AGBL1: variants seen among roughly 807,000 people sequenced by gnomAD.
The protein encoded by AGBL1 is AGBL carboxypeptidase 1.
In AGBL1, 130 loss-of-function variants were observed where a neutral mutation model predicts 118.9. The observed-to-expected ratio is 1.09, with a 90% CI of 0.95 to 1.26. The LOEUF (loss-of-function observed/expected upper bound fraction) is 1.26, where lower values mean the gene tolerates loss of function less well. Among genes scored for constraint, AGBL1 ranks in the 50% most tolerant of loss-of-function variants. The pLI, the probability that AGBL1 is intolerant of heterozygous loss-of-function variation, is 0.00. For synonymous variants in AGBL1, 555 were observed against 478.9 expected (o/e 1.16, Z -2.08); for missense variants, 1,584 against 1,298.1 (o/e 1.22, Z -3.38).
intron 22 of AGBL1, among the ~76,000 whole-genome samples, chr15:86,898,862 A>C (rs1044690788): frequency 3.9e-5 from 6 of 152,228 alleles, no homozygotes; most frequent in African/African-American, 1.4e-4. Flanking sequence ...ACCAGACAGA[A>C]TGGGTATCAT....
At chr15:86,435,569 T>C (rs16977136) in intron 18 of AGBL1, among the ~76,000 whole-genome samples, 6,444 of 152,236 alleles carry the variant, frequency 0.042, 188 homozygotes, top group South Asian at 0.1. Flanking sequence ...AGATTTAAGG[T>C]TCTGTGTCAT....
At chr15:86,182,613 C>A (rs62013762) in intron 5 of AGBL1, among the ~76,000 whole-genome samples, 1 of 152,074 alleles carries the variant, frequency 6.6e-6, no homozygotes, top group Non-Finnish European at 1.5e-5. Flanking sequence ...CAAGAAGTTA[C>A]CCCTTGAATA....
At chr15:86,821,525 A>G (rs1182231766) in intron 22 of AGBL1, among the ~76,000 whole-genome samples, 1 of 152,148 alleles carries the variant, frequency 6.6e-6, no homozygotes, top group Middle Eastern at 3.2e-3. Flanking sequence ...AAGATAATAG[A>G]TAAAAAATAT....
At chr15:86,714,334 G>T (rs2086605557) in intron 22 of AGBL1, among the ~76,000 whole-genome samples, 1 of 152,164 alleles carries the variant, frequency 6.6e-6, no homozygotes, top group Admixed American at 6.5e-5. Flanking sequence ...GGGCTGAGCT[G>T]AGAGGGAAGG....
intron 22 of AGBL1, among the ~76,000 whole-genome samples, chr15:86,875,214 C>A (rs562735466): frequency 2.0e-5 from 3 of 152,304 alleles, no homozygotes; most frequent in South Asian, 4.1e-4. Context: ...TTAGGCCCCC[C>A]ACACCCTGCT....
chr15:86,654,107 T>C (rs868083265), intron 21 of AGBL1, among the ~76,000 whole-genome samples: 1 of 152,112 alleles, frequency 6.6e-6, no homozygotes, highest in East Asian at 1.9e-4. Context: ...AATGCGAAGA[T>C]TTTATTCTGA....
intron 22 of AGBL1, among the ~76,000 whole-genome samples, chr15:86,715,093 T>C (rs1451680291): frequency 6.6e-6 from 1 of 152,152 alleles, no homozygotes; most frequent in African/African-American, 2.4e-5. Context: ...AATCTGCTTT[T>C]AGGAAGGGGA....
intron 24 of AGBL1, among the ~76,000 whole-genome samples, chr15:87,006,122 G>A (rs1325262937): frequency 1.3e-5 from 2 of 152,210 alleles, no homozygotes; most frequent in East Asian, 1.9e-4. Flanking sequence ...GTGCCTGCCA[G>A]TTAGGCTACT....
intron 22 of AGBL1, among the ~76,000 whole-genome samples, chr15:86,761,530 C>T (rs1046103794): frequency 4.6e-5 from 7 of 152,038 alleles, no homozygotes; most frequent in African/African-American, 1.7e-4. Context: ...TCTTCATCAG[C>T]TCTGTGGTAA....
chr15:86,963,283 G>A (rs1029072401), intron 23 of AGBL1, among the ~76,000 whole-genome samples: 10 of 152,058 alleles, frequency 6.6e-5, no homozygotes, highest in African/African-American at 1.2e-4. Context: ...ACATTGACAC[G>A]TAGTATACAG....
chr15:86,298,303 C>CTATA (rs1359344715), intron 17 of AGBL1, among the ~76,000 whole-genome samples: 1 of 71,326 alleles, frequency 1.4e-5, no homozygotes, highest in Admixed American at 1.4e-4. Context: ...TATATGGTAG[C>CTATA]TATATATATA....
intron 23 of AGBL1, among the ~76,000 whole-genome samples, chr15:86,942,588 A>AT (rs774181452): frequency 7.9e-5 from 12 of 151,942 alleles, no homozygotes; most frequent in African/African-American, 1.5e-4. Flanking sequence ...ATTACTTTTC[A>AT]TTTTTTCCCT....
chr15:86,392,195 C>T lies in AGBL1; in HGVS notation c.2375-5171C>T, dbSNP rs1290273638. On this transcript the variant is annotated intron_variant, in intron 17 of 22. Transcript: ENST00000614907. ...AAATGGGATCTTTCTGTGATGCACT[C>T]TGTCGTCTATTTTTTTTTCACTCAC... 2.0e-5 allele frequency among the ~76,000 whole-genome samples: 3 copies of T among 151,510 alleles called. No homozygotes were observed. In the East Asian group the frequency reaches 5.8e-4, roughly 29 times the overall value.
At chr15:86,803,818 C>T (rs1366230083) in intron 22 of AGBL1, among the ~76,000 whole-genome samples, 1 of 152,118 alleles carries the variant, frequency 6.6e-6, no homozygotes, top group Non-Finnish European at 1.5e-5. Flanking sequence ...GTTGTCACAA[C>T]TTGGGGCAGG....
intron 23 of AGBL1, among the ~76,000 whole-genome samples, chr15:86,977,975 CAAAA>C (rs2081192074): frequency 6.6e-6 from 1 of 151,984 alleles, no homozygotes; most frequent in East Asian, 1.9e-4. Context: ...TAAATTTTAT[CAAAA>C]TTATCTTCTA....
chr15:86,153,508 G>A (rs969757567), intron 3 of AGBL1, among the ~76,000 whole-genome samples: 9 of 151,748 alleles, frequency 5.9e-5, no homozygotes, highest in African/African-American at 9.7e-5. Flanking sequence ...GGGGCCTGTC[G>A]TGGGGTGGGG....
intron 21 of AGBL1, among the ~76,000 whole-genome samples, chr15:86,571,194 C>G (rs74251113): frequency 0.03 from 4,557 of 152,244 alleles, 105 homozygotes; most frequent in East Asian, 0.08. Context: ...ATCCCTGGCC[C>G]AGGGAGCTCC....
intron 18 of AGBL1, among the ~76,000 whole-genome samples, chr15:86,437,660 C>T (rs1033629661): frequency 2.0e-5 from 3 of 152,160 alleles, no homozygotes; most frequent in African/African-American, 7.2e-5. Flanking sequence ...TCAACAGTTT[C>T]ATCTAACACG....
At chr15:86,842,504 T>G (rs1262000086) in intron 22 of AGBL1, among the ~76,000 whole-genome samples, 1 of 152,208 alleles carries the variant, frequency 6.6e-6, no homozygotes, top group Non-Finnish European at 1.5e-5. Flanking sequence ...TTTCTTTGAA[T>G]TAGAAACTGG....
Sources: gnomAD v4.1 joint callset for allele counts (sites outside exome capture counted in the v4.1 genomes callset) on GRCh38, gnomAD v4.1.1 for gene constraint, MANE v1.5 for transcripts, NCBI Gene and HGNC (gene_info 2026-07-23, HGNC 2026-07-21) for gene names.